ESYT2: variants seen among roughly 807,000 people sequenced by gnomAD.
The protein encoded by ESYT2 is extended synaptotagmin-2.
In ESYT2, 54 loss-of-function variants were observed where a neutral mutation model predicts 107.2. That is an observed-to-expected ratio of 0.50 (90% CI 0.40 to 0.63). The LOEUF is 0.63. Among genes scored for constraint, ESYT2 ranks in the 30% least tolerant of loss-of-function variants. The pLI, the probability that ESYT2 is intolerant of heterozygous loss-of-function variation, is 0.00. For missense variants in ESYT2, 1,020 were observed against 1,094.5 expected (o/e 0.93, Z 0.96); for synonymous variants, 491 against 434.1 (o/e 1.13, Z -1.63).
At chr7:158,811,346 G>A (rs917731355) in intron 1 of ESYT2, among the ~76,000 whole-genome samples, 2 of 152,092 alleles carry the variant, frequency 1.3e-5, no homozygotes, top group African/African-American at 2.4e-5. Flanking sequence ...TTCCTTGTTC[G>A]TGGCTTAACC....
chr7:158,774,092 G>A (rs1014076973), intron 6 of ESYT2, among the ~76,000 whole-genome samples: 87 of 152,242 alleles, frequency 5.7e-4, no homozygotes, highest in African/African-American at 2.0e-3. Context: ...TAGAAATACC[G>A]CTTTTCCTAA....
At chr7:158,793,551 G>T in intron 4 of ESYT2, 99 bp downstream of exon 4, 2 of 825,664 alleles carry the variant, frequency 2.4e-6, no homozygotes, top group Admixed American at 2.4e-5. Flanking sequence ...ATCAACAGCA[G>T]GTAAGACGTG....
chr7:158,799,048 C>T lies in ESYT2; in HGVS notation c.355G>A (p.Ala119Thr), dbSNP rs1262340594. Residue 119 changes from alanine (A) to threonine (T), a missense_variant, in exon 2 of 23, where the codon GCA (alanine) becomes ACA (threonine). By Grantham distance (58) the Ala-to-Thr change is moderately conservative (BLOSUM62 0). Coordinates refer to ENST00000275418, the MANE Select transcript of ESYT2 (RefSeq NM_001367773.1). ...AATCTTACCTTATTTAGCCATTCTG[C>T]TCTTTCAGTGTCTGGAAAATGAACC... is the stretch of plus-strand genomic sequence containing the variant. ...AWVHFPDTERAEWLNKTVKHM... is the reference protein window; with the variant it reads ...AWVHFPDTERTEWLNKTVKHM... 1 of 1,613,702 alleles carries T rather than the reference C, an allele frequency of 6.2e-7. No homozygotes were observed. Among genetic ancestry groups the T allele is most frequent in the South Asian group, 1.1e-5 (1 of 91,044 alleles).
intron 8 of ESYT2, among the ~76,000 whole-genome samples, chr7:158,767,247 T>C (rs1838194009): frequency 6.6e-6 from 1 of 152,268 alleles, no homozygotes; most frequent in Middle Eastern, 3.4e-3. Context: ...TGAGAGAAAA[T>C]ATACAAATTA....
At chr7:158,761,659 G>C in intron 10 of ESYT2, 115 bp from the exon 11 acceptor site, 1 of 882,852 alleles carries the variant, frequency 1.1e-6, no homozygotes, top group Non-Finnish European at 1.8e-6. Context: ...ATTTGTCTAT[G>C]AACAAGCACT....
At position 158,763,220 on chromosome 7, in the gene ESYT2, T is replaced by A. The variant is rs1563635004; in HGVS notation, c.1102-55A>T. 2.5e-5 allele frequency: 31 copies of A among 1,237,108 alleles called. No homozygotes were observed. The East Asian group carries it at 2.6e-4, about 10-fold the overall frequency. 76.6% of individuals were successfully genotyped at this position (1,237,108 alleles called of 1,614,324 possible). A position where few individuals can be genotyped will look rare whatever the true frequency, so the allele number is the denominator to read the frequency against. ...CATTTTTACTAATATAGTCATACAC[T>A]GAGTATGATATGATGATTGTAGTAA... On this transcript the variant is annotated intron_variant, in intron 9 of 22. Coordinates refer to ENST00000275418, the MANE Select transcript of ESYT2 (RefSeq NM_001367773.1).
intron 1 of ESYT2, among the ~76,000 whole-genome samples, chr7:158,820,811 G>A (rs1049371318): frequency 6.6e-6 from 1 of 151,982 alleles, no homozygotes; most frequent in Non-Finnish European, 1.5e-5. Flanking sequence ...AAAAATAATT[G>A]AAAAAAACCC....
intron 1 of ESYT2, among the ~76,000 whole-genome samples, chr7:158,819,992 G>A (rs1028664494): frequency 6.6e-6 from 1 of 152,056 alleles, no homozygotes; most frequent in African/African-American, 2.4e-5. Flanking sequence ...GCTGTTATCC[G>A]AAAGGACACT....
chr7:158,804,121 C>CCA (rs1246415084), intron 1 of ESYT2, among the ~76,000 whole-genome samples: 12 of 40,630 alleles, frequency 3.0e-4, no homozygotes, highest in African/African-American at 1.7e-3. Flanking sequence ...CAAACCCAAA[C>CCA]CGTCGAGAAG....
At chr7:158,807,222 G>A (rs1438779241) in intron 1 of ESYT2, among the ~76,000 whole-genome samples, 2 of 134,996 alleles carry the variant, frequency 1.5e-5, no homozygotes, top group African/African-American at 2.8e-5. Flanking sequence ...CTGCACTCCA[G>A]CCTGGGCGAC....
rs567317098 is a variant in ESYT2, at chr7:158,806,117, C to T, written c.331-7045G>A. 1.6e-3 allele frequency among the ~76,000 whole-genome samples: 241 copies of T among 150,700 alleles called. 1 individual carries two copies. Among genetic ancestry groups the T allele is most frequent in the Non-Finnish European group, 2.9e-3 (194 of 67,908 alleles). ...GCACACCGCGTGGGAGGCGCCGGGG[C>T]ACACCGCGTGGGAGGTGCCGGGGCA... On this transcript the variant is annotated intron_variant, in intron 1 of 22. Transcript: ENST00000275418.
intron 1 of ESYT2, among the ~76,000 whole-genome samples, chr7:158,817,177 G>A (rs559558701): frequency 5.3e-5 from 8 of 152,200 alleles, no homozygotes; most frequent in Non-Finnish European, 1.0e-4. Context: ...AGGCCACGAT[G>A]AGGGGGTGGG....
intron 16 of ESYT2, 33 bp downstream of exon 16, chr7:158,748,161 C>A (rs768973144): frequency 1.9e-6 from 3 of 1,592,064 alleles, no homozygotes. Flanking sequence ...AATTATTTGT[C>A]AATAAATTGG....
At chr7:158,809,700 AAC>A (rs1839941239) in intron 1 of ESYT2, among the ~76,000 whole-genome samples, 1 of 152,186 alleles carries the variant, frequency 6.6e-6, no homozygotes, top group East Asian at 1.9e-4. Context: ...CTGTCTCCTT[AAC>A]ACATTGTAAG....
At chr7:158,763,020 G>C (rs1838027099) in intron 10 of ESYT2, 63 bp downstream of exon 10, 8 of 1,145,012 alleles carry the variant, frequency 7.0e-6, no homozygotes, top group Non-Finnish European at 1.0e-5. Context: ...ACATACTTTT[G>C]ATTATTAAAC....
At chr7:158,776,637 T>G (rs1023535013) in intron 6 of ESYT2, among the ~76,000 whole-genome samples, 3 of 152,232 alleles carry the variant, frequency 2.0e-5, no homozygotes, top group Non-Finnish European at 4.4e-5. Context: ...AAATATAATG[T>G]CTGGGCTGAT....
intron 7 of ESYT2, among the ~76,000 whole-genome samples, chr7:158,770,932 T>G (rs1431023976): frequency 6.6e-6 from 1 of 152,148 alleles, no homozygotes; most frequent in Non-Finnish European, 1.5e-5. Context: ...GAAGATCCCT[T>G]GAGCCCAGGG....
At chr7:158,764,611 G>C (rs1838085757) in intron 9 of ESYT2, 66 bp downstream of exon 9, 3 of 1,531,270 alleles carry the variant, frequency 2.0e-6, no homozygotes, top group African/African-American at 1.4e-5. Context: ...GCTGGAATGA[G>C]AGCTTGGCCA....
At chr7:158,772,820 C>T (rs936534787) in intron 7 of ESYT2, among the ~76,000 whole-genome samples, 1 of 151,302 alleles carries the variant, frequency 6.6e-6, no homozygotes. Context: ...TCACCTCTCA[C>T]ACTCAAGAGT....
Sources: allele counts gnomAD v4.1 joint callset (sites outside exome capture counted in the v4.1 genomes callset), GRCh38; gene constraint gnomAD v4.1.1; transcripts MANE v1.5; gene names NCBI Gene and HGNC (gene_info 2026-07-23, HGNC 2026-07-21).